The following MYH11 variants were observed in gnomAD, a reference collection of about 807,000 sequenced individuals.
MYH11 encodes the protein myosin heavy chain 11.
In MYH11, 80 loss-of-function variants were observed where a neutral mutation model predicts 246.6. That is an observed-to-expected ratio of 0.32 (90% confidence interval 0.27 to 0.39). The LOEUF (loss-of-function observed/expected upper bound fraction) is 0.39. Ranked by LOEUF, MYH11 falls within the 10% of genes least tolerant of loss-of-function variation. The pLI, the probability that MYH11 is intolerant of heterozygous loss-of-function variation, is 1.00. For missense variants in MYH11, 2,158 were observed against 2,546.8 expected (o/e 0.85, Z 3.29); for synonymous variants, 1,071 against 1,015.5 (o/e 1.05, Z -1.04).
chr16:15,719,541 G>A lies in MYH11; in HGVS notation c.5082+44C>T, dbSNP rs113652000. On this transcript the variant is annotated intron_variant, in intron 35 of 40. Transcript: ENST00000300036. The stretch of plus-strand genomic sequence containing the variant: ...ACTGGAGCTGCCAAGGGGTGCTACC[G>A]TGACACCCGCATCTGAGGCTCTCCT... 3.2e-3 allele frequency: 5,234 copies of A among 1,612,506 alleles called. 146 individuals carry two copies. In the African/African-American group the frequency reaches 0.061, roughly 19 times the overall value.
rs1401272117 is a variant in MYH11 at position 15,756,407 on chromosome 16, G to C, written c.1683C>G (p.Pro561=). 2 of 1,613,994 alleles carry C rather than the reference G, an allele frequency of 1.2e-6. No individual in the cohort carries two copies. Among genetic ancestry groups the C allele is most frequent in the Non-Finnish European group, 1.7e-6 (2 of 1,180,022 alleles). The stretch of plus-strand genomic sequence containing the variant: ...TGAGCTGCTTGGGCTTCTGGAACTT[G>C]GGGTGGCTGCCCTGCTCCGTGCACA... The part of the protein sequence containing the change: ...EKLCTEQGSH[P]KFQKPKQLKD... The change falls in exon 14 of 41, where the codon CCC becomes CCG. Residue 561 remains proline (P), a synonymous_variant. Transcript: ENST00000300036.
chr16:15,756,091 C>G (rs1596787061), intron 14 of MYH11, among the ~76,000 whole-genome samples: 1 of 152,312 alleles, frequency 6.6e-6, no homozygotes, highest in East Asian at 1.9e-4. Context: ...AAGCGAGACC[C>G]TGTCTCCAAC....
chr16:15,750,249 C>T lies in MYH11; in HGVS notation c.1947G>A (p.Met649Ile). ...TGTACAGCTGCCCCACTGTGCGGAA[C>T]ATGCCCTTCTTGGTCTTGGAGGCGC... ...LPSASKTKKG[M>I]FRTVGQLYKE... Residue 649 changes from methionine (M) to isoleucine (I), a missense_variant, in exon 16 of 41, where the codon ATG becomes ATA. By Grantham distance (10) the Met-to-Ile change is conservative. Coordinates refer to ENST00000300036, the MANE Select transcript of MYH11 (RefSeq NM_002474.3). This position sits in a 1 kb window ranked among gnomAD's most constrained non-coding sequence, Gnocchi z 4.3. 2 of 1,614,228 alleles carry T rather than the reference C, an allele frequency of 1.2e-6. No individual in the cohort carries two copies. Among genetic ancestry groups the T allele is most frequent in the Non-Finnish European group, 1.7e-6 (2 of 1,180,032 alleles).
At chr16:15,746,580 A>G (rs776049798) in intron 19 of MYH11, among the ~76,000 whole-genome samples, 12 of 152,014 alleles carry the variant, frequency 7.9e-5, no homozygotes, top group African/African-American at 1.2e-4. Flanking sequence ...TCTCTGCCCA[A>G]TGACAACACA....
chr16:15,825,250 C>G (rs1294588062), intron 2 of MYH11, among the ~76,000 whole-genome samples: 2 of 151,926 alleles, frequency 1.3e-5, no homozygotes, highest in Non-Finnish European at 2.9e-5. Flanking sequence ...CCTTTTGAGG[C>G]TATAAAAATG....
intron 3 of MYH11, among the ~76,000 whole-genome samples, chr16:15,819,995 C>A (rs2043364396): frequency 6.6e-6 from 1 of 152,112 alleles, no homozygotes; most frequent in South Asian, 2.1e-4. Context: ...AGTGGCAGTT[C>A]TGGAAAACAA....
At chr16:15,735,688 A>G (rs1259966966) in intron 25 of MYH11, 110 bp from the exon 26 acceptor site, 2 of 994,972 alleles carry the variant, frequency 2.0e-6, no homozygotes, top group Admixed American at 1.9e-5. Flanking sequence ...AGAGACATCA[A>G]ACACCTTCTA....
Position 15,740,200 on chromosome 16 carries a change from A to G in MYH11, c.2860-12T>C. ...TGTTCTTCAAGGTCCTTTGTTGTGGAGGGAAAAGAGTAACAGCTTTGGTTA... is the reference window on the plus strand; with the variant it reads ...TGTTCTTCAAGGTCCTTTGTTGTGGGGGGAAAAGAGTAACAGCTTTGGTTA... On this transcript the variant is annotated splice_polypyrimidine_tract_variant and intron_variant, in intron 22 of 40. Coordinates refer to ENST00000300036, the MANE Select transcript of MYH11 (RefSeq NM_002474.3). The G allele has an allele frequency of 6.2e-7, 1 of 1,614,034 alleles. No individual in the cohort carries two copies. Among genetic ancestry groups the G allele is most frequent in the Non-Finnish European group, 8.5e-7 (1 of 1,179,982 alleles).
Position 15,724,373 on chromosome 16 carries a change from T to C in MYH11, c.4153A>G (p.Ser1385Gly), listed in dbSNP as rs1204333980. 1 of 1,614,036 alleles carries C rather than the reference T, an allele frequency of 6.2e-7. No homozygotes were observed. Among genetic ancestry groups the C allele is most frequent in the Non-Finnish European group, 8.5e-7 (1 of 1,180,044 alleles). The change falls in exon 31 of 41, where the codon AGC becomes GGC. Residue 1385 changes from serine (S) to glycine (G), a missense_variant. Physicochemically the swap from Ser to Gly is moderately conservative, Grantham distance 56. Transcript: ENST00000300036. ...CCCTCTTCCAGAGCTTCCACGGTGCTGGCAAAGTCCTGCAGCTTCTTCTTC... is the reference window on the plus strand; with the variant it reads ...CCCTCTTCCAGAGCTTCCACGGTGCCGGCAAAGTCCTGCAGCTTCTTCTTC... ...DSKKKLQDFA[S>G]TVEALEEGKK...
intron 11 of MYH11, 113 bp downstream of exon 11, chr16:15,760,427 C>T (rs947261118): frequency 2.9e-5 from 25 of 871,320 alleles, no homozygotes; most frequent in Non-Finnish European, 4.7e-5. Flanking sequence ...GATGCAGAGG[C>T]AGACCATGGG....
chr16:15,847,525 A>C (rs1006156079), intron 1 of MYH11, among the ~76,000 whole-genome samples: 1 of 152,208 alleles, frequency 6.6e-6, no homozygotes, highest in African/African-American at 2.4e-5. Flanking sequence ...AAGTGCTGGG[A>C]TTACAGGCAT....
At position 15,719,617 on chromosome 16, in the gene MYH11, T is replaced by C. The variant is rs1410534520; in HGVS notation, c.5050A>G (p.Ser1684Gly). Residue 1684 changes from serine to glycine, a missense_variant, in exon 35 of 41, where the codon AGC becomes GGC. Physicochemically the swap from Ser to Gly is moderately conservative, Grantham distance 56. This residue lies in a region of MYH11 where 1,013 missense variants were observed against 993.5 expected (regional missense o/e 1.02). Coordinates refer to ENST00000300036, the MANE Select transcript of MYH11 (RefSeq NM_002474.3). ...TAKENEKKAKSLEADLMQLQE... is the reference protein window; with the variant it reads ...TAKENEKKAKGLEADLMQLQE... ...AGCTGCATGAGGTCTGCTTCCAAGC[T>C]CTTGGCTTTCTTCTCATTCTCTTTG... 1.9e-6 allele frequency: 3 copies of C among 1,614,054 alleles called. No homozygotes were observed. The highest frequency in any genetic ancestry group is 1.3e-5 in the African/African-American group (1 of 74,920).
Position 15,837,962 on chromosome 16 carries a change from G to A in MYH11, c.291C>T (p.Asn97=), listed in dbSNP as rs113363750. 1.6e-3 allele frequency: 2,564 copies of A among 1,614,118 alleles called. 9 individuals carry two copies. Among genetic ancestry groups the A allele is most frequent in the South Asian group, 5.0e-3 (452 of 91,078 alleles). The change falls in exon 2 of 41, where the codon AAC becomes AAT. Residue 97 remains asparagine (N), a synonymous_variant. Transcript: ENST00000300036. ...VEDMAELTCL[N]EASVLHNLRE... ...TCAGGTTGTGTAGCACGGAGGCTTC[G>A]TTGAGGCACGTCAGCTCCGCCATGT...
chr16:15,800,597 TTGGATGGATGGATGGA>T (rs138132973), intron 3 of MYH11, among the ~76,000 whole-genome samples: 29 of 143,202 alleles, frequency 2.0e-4, no homozygotes, highest in African/African-American at 4.7e-4. Context: ...GGTAAATGAG[TTGGATGGATGGATGGA>T]TGGATGGATG....
chr16:15,840,543 G>A (rs2044026074), intron 1 of MYH11, among the ~76,000 whole-genome samples: 2 of 152,100 alleles, frequency 1.3e-5, no homozygotes, highest in Non-Finnish European at 2.9e-5. Flanking sequence ...ACCAACCTGG[G>A]CAACATAAGA....
chr16:15,855,214 C>T (rs966841904), intron 1 of MYH11, among the ~76,000 whole-genome samples: 2 of 152,218 alleles, frequency 1.3e-5, no homozygotes, highest in Admixed American at 1.3e-4. Context: ...AAAGACCCAG[C>T]TAGTTCACGT....
At chr16:15,737,014 AC>A (rs1422038732) in intron 25 of MYH11, among the ~76,000 whole-genome samples, 2 of 152,134 alleles carry the variant, frequency 1.3e-5, no homozygotes, top group Non-Finnish European at 2.9e-5. Flanking sequence ...GTCGGCAGAA[AC>A]AAAGGAGGAG....
intron 7 of MYH11, among the ~76,000 whole-genome samples, chr16:15,777,675 A>C (rs1325626555): frequency 1.3e-5 from 2 of 152,142 alleles, no homozygotes; most frequent in African/African-American, 4.8e-5. Flanking sequence ...TGGTTTGGGC[A>C]GATTAAAGTA....
At chr16:15,798,711 G>A (rs1212018243) in intron 3 of MYH11, 24 bp from the exon 4 acceptor site, 1 of 1,611,484 alleles carries the variant, frequency 6.2e-7, no homozygotes, top group South Asian at 1.1e-5. Flanking sequence ...GAAGAAAAAA[G>A]AGCCATGAAT....
Sources: allele counts gnomAD v4.1 joint callset (sites outside exome capture counted in the v4.1 genomes callset), GRCh38; gene constraint gnomAD v4.1.1; regional missense constraint gnomAD v4.1.1; non-coding constraint Gnocchi (gnomAD v3.1); transcripts MANE v1.5; gene names NCBI Gene and HGNC (gene_info 2026-07-23, HGNC 2026-07-21).